The following RNGTT variants were observed in gnomAD, a reference collection of about 807,000 sequenced individuals.
RNGTT encodes mRNA-capping enzyme.
RNGTT carries 33 observed loss-of-function variants against 79.3 expected under a neutral mutation model. The observed-to-expected ratio is 0.42, with a 90% CI of 0.32 to 0.56. RNGTT has a LOEUF of 0.56. RNGTT is among the 20% of genes least tolerant of loss of function. The pLI is 0.17. For missense variants in RNGTT, 497 were observed against 739.1 expected (o/e 0.67, Z 3.80); for synonymous variants, 222 against 235.9 (o/e 0.94, Z 0.54).
intron 13 of RNGTT, among the ~76,000 whole-genome samples, chr6:88,769,571 A>G (rs1451863463): frequency 6.6e-6 from 1 of 152,130 alleles, no homozygotes; most frequent in Non-Finnish European, 1.5e-5. Context: ...GGAAACTGCT[A>G]TATGTTAGCT....
chr6:88,916,577 T>G (rs1784007124), intron 4 of RNGTT, among the ~76,000 whole-genome samples: 1 of 152,250 alleles, frequency 6.6e-6, no homozygotes, highest in Non-Finnish European at 1.5e-5. Flanking sequence ...AGTGAGATGC[T>G]GGTATAAGTC....
chr6:88,817,490 T>TAAA (rs11354100), intron 11 of RNGTT, among the ~76,000 whole-genome samples: 739 of 44,530 alleles, frequency 0.017, 27 homozygotes, highest in African/African-American at 0.065. Flanking sequence ...AAAAAATAAG[T>TAAA]AAAAAAAAAA....
intron 12 of RNGTT, among the ~76,000 whole-genome samples, chr6:88,780,545 G>T (rs138475285): frequency 2.8e-4 from 43 of 152,114 alleles, no homozygotes; most frequent in African/African-American, 1.0e-3. Context: ...CATGTATCTA[G>T]GTTAAAATAA....
intron 13 of RNGTT, among the ~76,000 whole-genome samples, chr6:88,721,348 C>T (rs1027850752): frequency 2.0e-5 from 3 of 152,012 alleles, no homozygotes; most frequent in African/African-American, 7.2e-5. Flanking sequence ...GGTTGATGAT[C>T]CCAGCCTCTC....
At chr6:88,696,633 C>A (rs1381488527) in intron 13 of RNGTT, among the ~76,000 whole-genome samples, 4 of 147,888 alleles carry the variant, frequency 2.7e-5, no homozygotes, top group Non-Finnish European at 1.5e-5. Flanking sequence ...CACACACACA[C>A]AAAATGTGTA....
intron 4 of RNGTT, among the ~76,000 whole-genome samples, chr6:88,925,987 T>G (rs1360005115): frequency 6.6e-6 from 1 of 152,234 alleles, no homozygotes; most frequent in Non-Finnish European, 1.5e-5. Flanking sequence ...CTTCAAGTGG[T>G]TCTGATACAG....
chr6:88,941,230 T>C (rs745964227), intron 1 of RNGTT, 50 bp from the exon 2 acceptor site: 4 of 1,228,334 alleles, frequency 3.3e-6, no homozygotes, highest in Non-Finnish European at 4.7e-6. Context: ...ATGTTTCAGA[T>C]TAAAATTCTA....
intron 10 of RNGTT, among the ~76,000 whole-genome samples, chr6:88,845,333 TC>T (rs1362459069): frequency 6.6e-6 from 1 of 152,206 alleles, no homozygotes; most frequent in African/African-American, 2.4e-5. Context: ...AAATACACTT[TC>T]CCTTGAATGT....
rs1329629383 is a variant in RNGTT, at chr6:88,653,019, A to G, written c.1506+25334T>C. Among the ~76,000 whole-genome samples, 3 of 152,174 alleles carry G rather than the reference A, an allele frequency of 2.0e-5. No individual in the cohort carries two copies. In the East Asian group the frequency reaches 5.8e-4, roughly 29 times the overall value. On this transcript the variant is annotated intron_variant, in intron 14 of 15. Transcript: ENST00000369485. The stretch of plus-strand genomic sequence containing the variant: ...AATCTAGATCCGAAACTGTGGCATT[A>G]TTTATCAGACATGACTTCAGCAATA...
intron 2 of RNGTT, among the ~76,000 whole-genome samples, chr6:88,937,210 G>A (rs1422382491): frequency 6.6e-6 from 1 of 152,148 alleles, no homozygotes; most frequent in Admixed American, 6.5e-5. Context: ...GCCAGGCGCA[G>A]TGGCACATGC....
chr6:88,618,823 C>CTTTTTT (rs1772332468), intron 14 of RNGTT, among the ~76,000 whole-genome samples: 1 of 152,140 alleles, frequency 6.6e-6, no homozygotes. Flanking sequence ...AGAAAAGTTT[C>CTTTTTT]ACTTATTAAT....
intron 14 of RNGTT, among the ~76,000 whole-genome samples, chr6:88,620,005 T>C (rs960941351): frequency 1.3e-5 from 2 of 152,232 alleles, no homozygotes; most frequent in African/African-American, 2.4e-5. Flanking sequence ...AGAAAGTGTG[T>C]CCGCCTACTA....
intron 6 of RNGTT, among the ~76,000 whole-genome samples, chr6:88,894,153 G>T (rs373127672): frequency 2.6e-5 from 4 of 152,130 alleles, no homozygotes; most frequent in African/African-American, 7.2e-5. Context: ...AGCTTTGCAC[G>T]TGCTGATACT....
chr6:88,961,753 C>A (rs1051035666), intron 1 of RNGTT, among the ~76,000 whole-genome samples: 21 of 152,228 alleles, frequency 1.4e-4, no homozygotes, highest in Non-Finnish European at 2.5e-4. Context: ...TCTTAAAATT[C>A]TTAAAACATA....
At chr6:88,856,545 A>C (rs1403431592) in intron 8 of RNGTT, among the ~76,000 whole-genome samples, 2 of 152,164 alleles carry the variant, frequency 1.3e-5, no homozygotes, top group Non-Finnish European at 2.9e-5. Context: ...AAGGAAGAAA[A>C]AGCTTTAGAG....
chr6:88,823,735 T>C (rs1478396888), intron 11 of RNGTT, among the ~76,000 whole-genome samples: 2 of 152,150 alleles, frequency 1.3e-5, no homozygotes, highest in African/African-American at 4.8e-5. Context: ...TTCATGGGTG[T>C]TCACAATAAA....
chr6:88,713,179 T>G lies in RNGTT; in HGVS notation c.1440-34760A>C, dbSNP rs117986204. On this transcript the variant is annotated intron_variant, in intron 13 of 15. Transcript: ENST00000369485. ...TTAAGTCATGAGAGTAGAATCCTCA[T>G]GATGGGATTAATGCCTTTATATGAG... Among the ~76,000 whole-genome samples, 692 of 152,272 alleles carry G rather than the reference T, an allele frequency of 4.5e-3. 9 individuals carry two copies. Among genetic ancestry groups the G allele is most frequent in the East Asian group, 0.026 (134 of 5,186 alleles).
At chr6:88,665,152 G>A (rs543051587) in intron 14 of RNGTT, among the ~76,000 whole-genome samples, 12 of 152,208 alleles carry the variant, frequency 7.9e-5, no homozygotes, top group South Asian at 4.2e-4. Flanking sequence ...ACAGTTCCCC[G>A]AGAGGAAGAG....
chr6:88,615,892 C>T lies in RNGTT; in HGVS notation c.1507-1497G>A, dbSNP rs116307114. ...CTGTGGTAAAAAAACATTGAATTTTCCATCTTAACCATTTTTAAGTGTACA... is the reference window on the plus strand; with the variant it reads ...CTGTGGTAAAAAAACATTGAATTTTTCATCTTAACCATTTTTAAGTGTACA... On this transcript the variant is annotated intron_variant, in intron 14 of 15. Coordinates refer to ENST00000369485, the MANE Select transcript of RNGTT (RefSeq NM_003800.5). Among the ~76,000 whole-genome samples, 1,193 of 152,214 alleles carry T rather than the reference C, an allele frequency of 7.8e-3. 20 individuals are homozygous for T. Among genetic ancestry groups the T allele is most frequent in the African/African-American group, 0.028 (1,148 of 41,542 alleles).
Sources: gnomAD v4.1 joint callset for allele counts (sites outside exome capture counted in the v4.1 genomes callset) on GRCh38, gnomAD v4.1.1 for gene constraint, MANE v1.5 for transcripts, NCBI Gene and HGNC (gene_info 2026-07-23, HGNC 2026-07-21) for gene names.